SLC2A14: variants seen among roughly 807,000 people sequenced by gnomAD.
SLC2A14 encodes solute carrier family 2 member 14, also known as solute carrier family 2, facilitated glucose transporter member 14.
In SLC2A14, 13 loss-of-function variants were observed where a neutral mutation model predicts 43.0. The observed-to-expected ratio is 0.30, with a 90% CI of 0.20 to 0.48. The LOEUF (loss-of-function observed/expected upper bound fraction) is 0.48. Ranked by LOEUF, SLC2A14 falls within the 20% of genes least tolerant of loss-of-function variation. The pLI is 0.99. For missense variants in SLC2A14, 428 were observed against 620.4 expected (o/e 0.69, Z 3.29); for synonymous variants, 190 against 233.8 (o/e 0.81, Z 1.71).
chr12:7,862,401 C>A (rs985438738), intron 2 of SLC2A14, among the ~76,000 whole-genome samples: 1 of 152,134 alleles, frequency 6.6e-6, no homozygotes, highest in Admixed American at 6.6e-5. Context: ...GATTTCTCGC[C>A]GGGCCTTAGC....
chr12:7,861,825 G>A (rs1175185675), intron 2 of SLC2A14, among the ~76,000 whole-genome samples: 1 of 151,976 alleles, frequency 6.6e-6, no homozygotes, highest in Non-Finnish European at 1.5e-5. Context: ...AGCCAGGTAT[G>A]GTGGCGCACA....
intron 1 of SLC2A14, among the ~76,000 whole-genome samples, chr12:7,885,015 G>A (rs1182563294): frequency 6.6e-6 from 1 of 151,946 alleles, no homozygotes; most frequent in African/African-American, 2.4e-5. Flanking sequence ...GCAGTTTGAT[G>A]GTTTAGTCTT....
intron 4 of SLC2A14, among the ~76,000 whole-genome samples, chr12:7,830,627 C>T (rs1443461999): frequency 1.3e-5 from 2 of 151,890 alleles, no homozygotes; most frequent in African/African-American, 4.8e-5. Context: ...CAGAGCAAGA[C>T]CCTGCTTCTT....
chr12:7,816,092 T>A (rs35048170), intron 10 of SLC2A14, among the ~76,000 whole-genome samples: 14,883 of 52,582 alleles, frequency 0.28, 4,662 homozygotes, highest in Middle Eastern at 0.42. Flanking sequence ...ATTTTTTATT[T>A]TTTTTATTTT....
chr12:7,869,237 A>G, intron 2 of SLC2A14, among the ~76,000 whole-genome samples: 1 of 152,102 alleles, frequency 6.6e-6, no homozygotes. Flanking sequence ...TGGAGATGCA[A>G]AGCATTCAAG....
At chr12:7,882,497 G>C (rs1418484523) in intron 1 of SLC2A14, among the ~76,000 whole-genome samples, 1 of 152,046 alleles carries the variant, frequency 6.6e-6, no homozygotes, top group African/African-American at 2.4e-5. Flanking sequence ...TCCAGCCTGG[G>C]CAACGGAGCG....
At chr12:7,887,854 T>C (rs1209364098) in intron 1 of SLC2A14, among the ~76,000 whole-genome samples, 1 of 152,138 alleles carries the variant, frequency 6.6e-6, no homozygotes, top group African/African-American at 2.4e-5. Flanking sequence ...ATTTTTTTGT[T>C]GTTTTTTAAA....
At chr12:7,853,207 G>A (rs1041351608) in intron 2 of SLC2A14, among the ~76,000 whole-genome samples, 5 of 152,166 alleles carry the variant, frequency 3.3e-5, no homozygotes, top group Admixed American at 2.6e-4. Context: ...TTGGGAGGCT[G>A]AGGTGGATGG....
At chr12:7,845,197 C>G (rs1462990265) in intron 2 of SLC2A14, among the ~76,000 whole-genome samples, 1 of 152,056 alleles carries the variant, frequency 6.6e-6, no homozygotes, top group African/African-American at 2.4e-5. Flanking sequence ...ACTGAAAGTA[C>G]CTGGGCAAAC....
chr12:7,870,875 C>G (rs1157945764), intron 1 of SLC2A14: 1 of 1,273,368 alleles, frequency 7.9e-7, no homozygotes, highest in Non-Finnish European at 1.0e-6. Flanking sequence ...GGACCAAAGC[C>G]AAGACCACCA....
intron 2 of SLC2A14, among the ~76,000 whole-genome samples, chr12:7,837,667 A>C (rs1180739481): frequency 9.2e-6 from 1 of 108,730 alleles, no homozygotes; most frequent in Non-Finnish European, 1.8e-5. Context: ...GATGGTTCAC[A>C]TGGTAACCAT....
chr12:7,875,845 G>C (rs150980676), upstream of SLC2A14, among the ~76,000 whole-genome samples: 1 of 152,022 alleles, frequency 6.6e-6, no homozygotes, highest in Admixed American at 6.6e-5. Context: ...GTGCAGTGGC[G>C]CATGCCTGTA....
chr12:7,890,124 C>A (rs941525379), intron 1 of SLC2A14, among the ~76,000 whole-genome samples: 1 of 152,020 alleles, frequency 6.6e-6, no homozygotes, highest in African/African-American at 2.4e-5. Flanking sequence ...CTTAGAACAT[C>A]TTAACCATCT....
At position 7,858,624 on chromosome 12, in the gene SLC2A14, C is replaced by T. The variant is rs140702127; in HGVS notation, c.18+11239G>A. On this transcript the variant is annotated intron_variant, in intron 2 of 10. Transcript: ENST00000431042. Reference sequence around the variant, plus strand: ...AAGCGATTCTCCTGCCTCAGCCTCCCGAGTAGCTGGGATTCCAGGCATGTG... The same window carrying T: ...AAGCGATTCTCCTGCCTCAGCCTCCTGAGTAGCTGGGATTCCAGGCATGTG... Among the ~76,000 whole-genome samples the T allele has an allele frequency of 3.2e-3, 487 of 152,266 alleles. 1 individual carries two copies. Among genetic ancestry groups the T allele is most frequent in the African/African-American group, 0.011 (455 of 41,554 alleles).
At chr12:7,849,732 C>A (rs1866764988) in intron 2 of SLC2A14, among the ~76,000 whole-genome samples, 1 of 151,256 alleles carries the variant, frequency 6.6e-6, no homozygotes, top group African/African-American at 2.4e-5. Flanking sequence ...AACCCCGTCT[C>A]TACTAAAAAT....
intron 2 of SLC2A14, among the ~76,000 whole-genome samples, chr12:7,863,177 C>T (rs1242828540): frequency 1.3e-5 from 2 of 152,030 alleles, no homozygotes; most frequent in African/African-American, 2.4e-5. Context: ...AGCGAGACTA[C>T]GAGGCCACCG....
intron 1 of SLC2A14, among the ~76,000 whole-genome samples, chr12:7,882,736 C>T (rs1000079882): frequency 1.3e-5 from 2 of 152,004 alleles, no homozygotes; most frequent in Non-Finnish European, 2.9e-5. Flanking sequence ...ACGTGGGAAG[C>T]TGAGGCTGGA....
At chr12:7,826,986 TTCTCTCTTTCTCTCCTTTCTCTCTC>T (rs1864508695) in intron 7 of SLC2A14, among the ~76,000 whole-genome samples, 1 of 106,588 alleles carries the variant, frequency 9.4e-6, no homozygotes, top group African/African-American at 3.3e-5. Context: ...TTTCTCTCCT[TTCTCTCTTTCTCTCCTTTCTCTCTC>T]TCTCTTTCTC....
At position 7,883,409 on chromosome 12, in the gene SLC2A14, G is replaced by C. The variant is rs974301766; in HGVS notation, c.132+7587C>G. Among the ~76,000 whole-genome samples, 3 of 150,356 alleles carry C rather than the reference G, an allele frequency of 2.0e-5. No individual in the cohort carries two copies. The Admixed American group carries it at 2.0e-4, about 10-fold the overall frequency. On this transcript the variant is annotated intron_variant, in intron 1 of 9. Transcript: ENST00000539924. The stretch of plus-strand genomic sequence containing the variant: ...AGTCTCCTGAGTAGCTGGGATTACA[G>C]GCGCCCGCCACCATGCATGGCTGAT...
Sources: gnomAD v4.1 joint callset for allele counts (sites outside exome capture counted in the v4.1 genomes callset) on GRCh38, gnomAD v4.1.1 for gene constraint, MANE v1.5 for transcripts, NCBI Gene and HGNC (gene_info 2026-07-23, HGNC 2026-07-21) for gene names.